The following RBFOX1 variants were observed in gnomAD, a reference collection of about 807,000 sequenced individuals.
RBFOX1 encodes the protein RNA binding fox-1 homolog 1.
A neutral mutation model predicts 57.7 loss-of-function variants in RBFOX1; 8 were observed. The ratio of observed to expected loss-of-function variants is 0.14; its 90% CI spans 0.08 to 0.25. The LOEUF is 0.25. Among genes scored for constraint, RBFOX1 ranks in the 10% least tolerant of loss-of-function variants. The pLI is 1.00. For missense variants in RBFOX1, 611 were observed against 548.5 expected (o/e 1.11, Z -1.14); for synonymous variants, 326 against 222.4 (o/e 1.47, Z -4.15).
Position 5,525,323 on chromosome 16 carries a change from A to G in RBFOX1, c.258+58069A>G, listed in dbSNP as rs149705869. On this transcript the variant is annotated intron_variant, in intron 2 of 2. Transcript: ENST00000585867. Reference sequence around the variant, plus strand: ...TAGTGCTTCTAAGAGTTTTATAGGAACCCTTCCTCTTGTTTTATACAACAG... The same window carrying G: ...TAGTGCTTCTAAGAGTTTTATAGGAGCCCTTCCTCTTGTTTTATACAACAG... 1.1e-4 allele frequency among the ~76,000 whole-genome samples: 17 copies of G among 151,890 alleles called. No homozygotes were observed. In the East Asian group the frequency reaches 1.4e-3, roughly 12 times the overall value.
chr16:7,281,126 C>T (rs2095535511), intron 4 of RBFOX1, among the ~76,000 whole-genome samples: 1 of 151,908 alleles, frequency 6.6e-6, no homozygotes, highest in Non-Finnish European at 1.5e-5. Context: ...CCTCAGCCTC[C>T]TGAATAGCTG....
chr16:7,444,103 A>G lies in RBFOX1; in HGVS notation c.28-74044A>G, dbSNP rs143060188. Reference sequence around the variant, plus strand: ...CACACATGTGCAAAACTCTTGATGAATCACGTTATTATACTAAACCAACGT... The same window carrying G: ...CACACATGTGCAAAACTCTTGATGAGTCACGTTATTATACTAAACCAACGT... On this transcript the variant is annotated intron_variant, in intron 4 of 15. Coordinates refer to ENST00000550418, the MANE Select transcript of RBFOX1 (RefSeq NM_018723.4). Among the ~76,000 whole-genome samples, 9 of 152,376 alleles carry G rather than the reference A, an allele frequency of 5.9e-5. No individual in the cohort carries two copies. In the East Asian group the frequency reaches 1.5e-3, roughly 26 times the overall value.
chr16:7,061,588 A>G (rs979912882), intron 4 of RBFOX1, among the ~76,000 whole-genome samples: 6 of 152,190 alleles, frequency 3.9e-5, no homozygotes, highest in Non-Finnish European at 7.3e-5. Context: ...AAGTTCACAC[A>G]TTTAGGATAT....
At chr16:7,646,508 A>C (rs2063768753) in intron 11 of RBFOX1, among the ~76,000 whole-genome samples, 1 of 152,226 alleles carries the variant, frequency 6.6e-6, no homozygotes, top group African/African-American at 2.4e-5. Context: ...AAGGCTGGGG[A>C]AATGTGTCAT....
chr16:6,732,363 G>A (rs2068844720), intron 3 of RBFOX1, among the ~76,000 whole-genome samples: 1 of 152,186 alleles, frequency 6.6e-6, no homozygotes, highest in African/African-American at 2.4e-5. Context: ...GACAGATGCA[G>A]CATTCCTTGC....
intron 1 of RBFOX1, among the ~76,000 whole-genome samples, chr16:6,139,264 T>A (rs1567543185): frequency 6.6e-6 from 1 of 152,138 alleles, no homozygotes; most frequent in Admixed American, 6.6e-5. Context: ...AGGCAACTGT[T>A]ATTTTCCTGA....
intron 4 of RBFOX1, among the ~76,000 whole-genome samples, chr16:7,290,547 A>G (rs575079530): frequency 1.3e-5 from 2 of 152,348 alleles, no homozygotes; most frequent in Admixed American, 1.3e-4. Context: ...TTAACCAACT[A>G]GTAAATTAAA....
chr16:5,305,148 C>A (rs943897212), intron 1 of RBFOX1, among the ~76,000 whole-genome samples: 1 of 152,106 alleles, frequency 6.6e-6, no homozygotes. Context: ...TTACAGAATG[C>A]TGGTTTGGTC....
intron 1 of RBFOX1, among the ~76,000 whole-genome samples, chr16:6,068,152 G>A (rs372742835): frequency 6.6e-6 from 1 of 152,118 alleles, no homozygotes; most frequent in Non-Finnish European, 1.5e-5. Flanking sequence ...AGGGATGCGA[G>A]GCTGTGTTTC....
chr16:6,825,168 G>C (rs116889204), intron 3 of RBFOX1, among the ~76,000 whole-genome samples: 2 of 150,304 alleles, frequency 1.3e-5, no homozygotes, highest in African/African-American at 4.9e-5. Flanking sequence ...GGCGTTGCTG[G>C]TCAGATGATC....
intron 2 of RBFOX1, among the ~76,000 whole-genome samples, chr16:6,353,651 C>T (rs565981813): frequency 1.3e-5 from 2 of 152,102 alleles, no homozygotes; most frequent in African/African-American, 4.8e-5. Context: ...GGGCTTGTAT[C>T]TAAGGACCCT....
intron 3 of RBFOX1, among the ~76,000 whole-genome samples, chr16:5,771,248 T>C (rs1390593657): frequency 6.6e-6 from 1 of 152,230 alleles, no homozygotes; most frequent in African/African-American, 2.4e-5. Context: ...GTTGTTGGTC[T>C]GCACATTAAG....
rs530862058 is a variant in RBFOX1, at chr16:5,492,422, A to G, written c.258+25168A>G. 3.9e-5 allele frequency among the ~76,000 whole-genome samples: 6 copies of G among 152,288 alleles called. No homozygotes were observed. In the South Asian group the frequency reaches 1.2e-3, roughly 32 times the overall value. ...GTTTAATGAGGGGAGAGAGTTGGAGATACAAAGACACAATCACAAACCGCG... is the reference window on the plus strand; with the variant it reads ...GTTTAATGAGGGGAGAGAGTTGGAGGTACAAAGACACAATCACAAACCGCG... On this transcript the variant is annotated intron_variant, in intron 2 of 2. Coordinates refer to the RBFOX1 transcript ENST00000585867.
rs55777131 is a variant in RBFOX1, at chr16:6,218,176, T to C, written c.-126-98819T>C. Among the ~76,000 whole-genome samples the C allele has an allele frequency of 8.2e-3, 1,247 of 152,348 alleles. 22 individuals are homozygous for C. The highest frequency in any genetic ancestry group is 0.028 in the African/African-American group (1,156 of 41,576). The stretch of plus-strand genomic sequence containing the variant: ...TTGTTGAGCCCACGTGCATTTTCAG[T>C]AGAATAATATTAAAAATGCCTGCCC... On this transcript the variant is annotated intron_variant, in intron 1 of 15. Transcript: ENST00000550418.
At chr16:6,707,773 A>T (rs1044235098) in intron 3 of RBFOX1, among the ~76,000 whole-genome samples, 1 of 152,180 alleles carries the variant, frequency 6.6e-6, no homozygotes, top group African/African-American at 2.4e-5. Flanking sequence ...GTAGGAGACC[A>T]AAAGAGAAAG....
intron 3 of RBFOX1, among the ~76,000 whole-genome samples, chr16:6,807,764 T>A (rs1391766429): frequency 6.6e-6 from 1 of 151,954 alleles, no homozygotes; most frequent in Non-Finnish European, 1.5e-5. Context: ...TGTAGTGAGC[T>A]AAGATTGTGT....
intron 3 of RBFOX1, among the ~76,000 whole-genome samples, chr16:7,033,089 C>G (rs1389142758): frequency 6.6e-6 from 1 of 152,170 alleles, no homozygotes; most frequent in Non-Finnish European, 1.5e-5. Context: ...CCAACTCTCT[C>G]CTCTTGGGCT....
chr16:6,007,251 A>C (rs2094932992), intron 4 of RBFOX1, among the ~76,000 whole-genome samples: 1 of 152,180 alleles, frequency 6.6e-6, no homozygotes, highest in Non-Finnish European at 1.5e-5. Context: ...TCCAAGACTG[A>C]GTCATAAGAA....
chr16:5,743,262 G>C (rs534398722), intron 3 of RBFOX1, among the ~76,000 whole-genome samples: 34 of 152,272 alleles, frequency 2.2e-4, no homozygotes, highest in African/African-American at 7.2e-4. Context: ...ATTTAATTGG[G>C]GGACTGGGTG....
Sources: allele counts gnomAD v4.1 joint callset (sites outside exome capture counted in the v4.1 genomes callset), GRCh38; gene constraint gnomAD v4.1.1; transcripts MANE v1.5; gene names NCBI Gene and HGNC (gene_info 2026-07-23, HGNC 2026-07-21).